The following ATCAY variants were observed in gnomAD, a reference collection of about 807,000 sequenced individuals.
ATCAY encodes the protein ATCAY kinesin light chain interacting caytaxin, also known as caytaxin.
Under a neutral mutation model 47.7 loss-of-function variants are expected in ATCAY, and 22 were observed. The ratio of observed to expected loss-of-function variants is 0.46; its 90% CI spans 0.33 to 0.66. The LOEUF (loss-of-function observed/expected upper bound fraction) is 0.66. Ranked by LOEUF, ATCAY falls within the 30% of genes least tolerant of loss-of-function variation. The pLI is 0.02. For missense variants in ATCAY, 452 were observed against 515.0 expected (o/e 0.88, Z 1.18); for synonymous variants, 216 against 207.6 (o/e 1.04, Z -0.35).
intron 1 of ATCAY, 91 bp from the exon 2 acceptor site, chr19:3,885,636 G>A (rs1455782465): frequency 1.5e-6 from 1 of 649,036 alleles, no homozygotes; most frequent in East Asian, 2.8e-5. Flanking sequence ...GAGACGGAGG[G>A]GGAGTGGGAG....
intron 10 of ATCAY, 100 bp downstream of exon 10, chr19:3,917,877 C>A: frequency 7.3e-7 from 1 of 1,371,810 alleles, no homozygotes; most frequent in South Asian, 1.4e-5. Flanking sequence ...GCAGCAGGGA[C>A]CATTGTCCTG....
intron 8 of ATCAY, 85 bp from the exon 9 acceptor site, chr19:3,913,673 C>G: frequency 9.9e-7 from 1 of 1,013,842 alleles, no homozygotes; most frequent in Non-Finnish European, 1.5e-6. Context: ...GTGGGGATCC[C>G]TGTCGCCATG....
At chr19:3,909,774 A>C (rs1761044138) in intron 7 of ATCAY, among the ~76,000 whole-genome samples, 157 bp downstream of exon 7, 1 of 151,894 alleles carries the variant, frequency 6.6e-6, no homozygotes, top group Non-Finnish European at 1.5e-5. Context: ...GCAACGCAGC[A>C]AGACGCTGTC....
At chr19:3,890,036 C>T (rs974000025) in intron 2 of ATCAY, among the ~76,000 whole-genome samples, 21 of 151,510 alleles carry the variant, frequency 1.4e-4, no homozygotes, top group African/African-American at 4.9e-4. Flanking sequence ...CCTCCACCTC[C>T]TGGGTTCAAG....
intron 2 of ATCAY, among the ~76,000 whole-genome samples, chr19:3,888,830 CAGA>C (rs1183703558): frequency 2.6e-5 from 4 of 152,198 alleles, no homozygotes; most frequent in Middle Eastern, 3.4e-3. Context: ...CATGTCCAGG[CAGA>C]AGGAGGACTG....
At position 3,924,645 on chromosome 19, in the gene ATCAY, C is replaced by A; in HGVS notation, c.*53C>A. ...GAAGAAGATTCCAGATGCCAGAAAACCTCTGTCAGACGCCCACTGGCCCCA... is the reference window on the plus strand; with the variant it reads ...GAAGAAGATTCCAGATGCCAGAAAAACTCTGTCAGACGCCCACTGGCCCCA... On this transcript the variant is annotated 3_prime_UTR_variant, in exon 13 of 13. Transcript: ENST00000450849. 1.2e-6 allele frequency: 2 copies of A among 1,607,460 alleles called. No homozygotes were observed. Among genetic ancestry groups the A allele is most frequent in the Admixed American group, 1.7e-5 (1 of 59,556 alleles).
At chr19:3,921,839 G>C (rs2145267873) in intron 12 of ATCAY, among the ~76,000 whole-genome samples, 1 of 152,000 alleles carries the variant, frequency 6.6e-6, no homozygotes, top group Non-Finnish European at 1.5e-5. Flanking sequence ...GGAGGTTGCA[G>C]TGAGCTGAGA....
At chr19:3,891,100 G>T (rs190044552) in intron 2 of ATCAY, among the ~76,000 whole-genome samples, 4 of 150,628 alleles carry the variant, frequency 2.7e-5, no homozygotes, top group Admixed American at 1.3e-4. Context: ...CACCCAGGCT[G>T]GAGTGCAGTG....
chr19:3,906,040 G>A (rs573070911), intron 4 of ATCAY, among the ~76,000 whole-genome samples: 17 of 151,666 alleles, frequency 1.1e-4, no homozygotes, highest in South Asian at 2.1e-4. Context: ...GCATGGTGGC[G>A]GGCACCTGAA....
rs764352635 is a variant in ATCAY at position 3,902,534 on chromosome 19, A to G, written c.125A>G (p.Glu42Gly). The G allele has an allele frequency of 9.5e-6, 15 of 1,573,316 alleles. No individual in the cohort carries two copies. The Middle Eastern group carries it at 8.3e-4, about 87-fold the overall frequency. Residue 42 changes from glutamate (E) to glycine (G), a missense_variant, in exon 3 of 13, where the codon GAA becomes GGA. Coordinates refer to ENST00000450849, the MANE Select transcript of ATCAY (RefSeq NM_033064.5). ...TGVELLGSPV[E>G]DTSSPPNTLN... is the part of the protein sequence containing the mutation. ...GTGGAACTGCTTGGCAGCCCGGTGGAAGACACATCCTGTAAGTTTCCACGT... is the reference window on the plus strand; with the variant it reads ...GTGGAACTGCTTGGCAGCCCGGTGGGAGACACATCCTGTAAGTTTCCACGT...
chr19:3,891,963 C>G (rs780621224), intron 2 of ATCAY, among the ~76,000 whole-genome samples: 2 of 152,090 alleles, frequency 1.3e-5, no homozygotes, highest in Non-Finnish European at 2.9e-5. Context: ...GACCTCGGCT[C>G]GCTGCAACCT....
Position 3,924,623 on chromosome 19 carries a change from G to A in ATCAY, c.*31G>A. On this transcript the variant is annotated 3_prime_UTR_variant, in exon 13 of 13. Transcript: ENST00000450849. ...CGTGAGCATAACAAAGGACATGGAA[G>A]AAGATTCCAGATGCCAGAAAACCTC... The A allele has an allele frequency of 6.2e-7, 1 of 1,613,054 alleles. No homozygotes were observed.
At chr19:3,908,825 T>A (rs2038894280) in intron 6 of ATCAY, among the ~76,000 whole-genome samples, 1 of 54,822 alleles carries the variant, frequency 1.8e-5, no homozygotes, top group Non-Finnish European at 3.8e-5. Context: ...CCTCTTTCTC[T>A]TCCTCCCCTT....
chr19:3,913,086 G>A (rs1011608752), intron 8 of ATCAY, among the ~76,000 whole-genome samples: 3 of 152,034 alleles, frequency 2.0e-5, no homozygotes, highest in African/African-American at 7.2e-5. Context: ...TCAGGAGTTG[G>A]AGACTAGCCT....
chr19:3,911,614 A>C (rs2038923345), intron 8 of ATCAY, among the ~76,000 whole-genome samples: 1 of 151,886 alleles, frequency 6.6e-6, no homozygotes, highest in Non-Finnish European at 1.5e-5. Flanking sequence ...ATATTCTATA[A>C]TGTATATCAT....
Position 3,902,482 on chromosome 19 carries a change from C to T in ATCAY, c.78-5C>T, listed in dbSNP as rs1416244180. 10 of 1,569,788 alleles carry T rather than the reference C, an allele frequency of 6.4e-6. No homozygotes were observed. In the African/African-American group the frequency reaches 6.8e-5, roughly 11 times the overall value. On this transcript the variant is annotated splice_polypyrimidine_tract_variant and splice_region_variant and intron_variant, in intron 2 of 12. Coordinates refer to ENST00000450849, the MANE Select transcript of ATCAY (RefSeq NM_033064.5). Reference sequence around the variant, plus strand: ...ACTGATGCCTGTTCCTGGATGGGTCCGCAGGCCACTCCCAGAAGAGACGGG... The same window carrying T: ...ACTGATGCCTGTTCCTGGATGGGTCTGCAGGCCACTCCCAGAAGAGACGGG...
At chr19:3,899,769 C>G (rs1217350175) in intron 2 of ATCAY, among the ~76,000 whole-genome samples, 1 of 152,164 alleles carries the variant, frequency 6.6e-6, no homozygotes, top group Non-Finnish European at 1.5e-5. Flanking sequence ...GCTAGGACCT[C>G]TGGCAGCCCC....
At chr19:3,913,971 T>G in intron 9 of ATCAY, 115 bp downstream of exon 9, 1 of 857,346 alleles carries the variant, frequency 1.2e-6, no homozygotes, top group Non-Finnish European at 1.8e-6. Flanking sequence ...GCGCGGTGGC[T>G]CCTGCCTGTA....
intron 2 of ATCAY, among the ~76,000 whole-genome samples, chr19:3,901,719 G>A (rs868110189): frequency 6.6e-6 from 1 of 152,146 alleles, no homozygotes; most frequent in Non-Finnish European, 1.5e-5. Flanking sequence ...CATGCTGGGC[G>A]GGCGCGGTGG....
Sources: allele counts gnomAD v4.1 joint callset (sites outside exome capture counted in the v4.1 genomes callset), GRCh38; gene constraint gnomAD v4.1.1; transcripts MANE v1.5; gene names NCBI Gene and HGNC (gene_info 2026-07-23, HGNC 2026-07-21).